Variants in ARAP2 observed in about 807,000 individuals in gnomAD.
The protein encoded by ARAP2 is ArfGAP with RhoGAP domain, ankyrin repeat and PH domain 2.
Under a neutral mutation model 194.5 loss-of-function variants are expected in ARAP2, and 148 were observed. The observed-to-expected ratio is 0.76, with a 90% CI of 0.67 to 0.87. The LOEUF (loss-of-function observed/expected upper bound fraction) is 0.87, where lower values mean the gene tolerates loss of function less well. ARAP2 is among the 40% of genes least tolerant of loss of function. The pLI, the probability that ARAP2 is intolerant of heterozygous loss-of-function variation, is 0.00. For synonymous variants in ARAP2, 695 were observed against 683.5 expected (o/e 1.02, Z -0.26); for missense variants, 2,128 against 1,989.7 (o/e 1.07, Z -1.32).
chr4:36,236,082 G>C (rs1043544076), intron 1 of ARAP2, among the ~76,000 whole-genome samples: 14 of 151,736 alleles, frequency 9.2e-5, no homozygotes, highest in African/African-American at 3.4e-4. Context: ...AGAAGGCTGA[G>C]GTGGGAGGAT....
chr4:36,159,193 G>C (rs190128951), intron 14 of ARAP2, 138 bp downstream of exon 14: 1 of 873,656 alleles, frequency 1.1e-6, no homozygotes, highest in Non-Finnish European at 1.6e-6. Flanking sequence ...AATAGTCTTA[G>C]GCATCTCCAT....
At position 36,119,721 on chromosome 4, in the gene ARAP2, G is replaced by A. The variant is rs1405639861; in HGVS notation, c.3895-3C>T. ...TGTTTGACTTGATCTTCTTTAACCT[G>A]TTTAAAATATAATTCGGGACATTCT... On this transcript the variant is annotated splice_region_variant and splice_polypyrimidine_tract_variant and intron_variant, in intron 23 of 32. Coordinates refer to ENST00000303965, the MANE Select transcript of ARAP2 (RefSeq NM_015230.4). The A allele has an allele frequency of 6.3e-7, 1 of 1,580,646 alleles. No homozygotes were observed. Among genetic ancestry groups the A allele is most frequent in the Non-Finnish European group, 8.7e-7 (1 of 1,154,442 alleles).
At chr4:36,151,627 G>T (rs1326851036) in intron 15 of ARAP2, among the ~76,000 whole-genome samples, 1 of 152,116 alleles carries the variant, frequency 6.6e-6, no homozygotes, top group Non-Finnish European at 1.5e-5. Context: ...AATTTCTGAA[G>T]CTGGATTACT....
chr4:36,163,607 T>C (rs963706371), intron 11 of ARAP2, among the ~76,000 whole-genome samples: 1 of 152,028 alleles, frequency 6.6e-6, no homozygotes, highest in African/African-American at 2.4e-5. Context: ...GAATGACACA[T>C]AGAAGGAAAT....
chr4:36,144,561 C>T (rs995321513), intron 19 of ARAP2, among the ~76,000 whole-genome samples: 8 of 151,726 alleles, frequency 5.3e-5, no homozygotes, highest in Non-Finnish European at 7.4e-5. Context: ...GTCCTAATTA[C>T]GCCTAGAAGC....
rs145376878 is a variant in ARAP2 at position 36,141,566 on chromosome 4, A to T, written c.3263+5730T>A. Among the ~76,000 whole-genome samples the T allele has an allele frequency of 1.8e-4, 27 of 151,840 alleles. No individual in the cohort carries two copies. The East Asian group carries it at 5.0e-3, about 28-fold the overall frequency. Reference sequence around the variant, plus strand: ...TCTAAATAGTGACTATATACAGGGGATAATTATCAATTTATGAACATTTCC... The same window carrying T: ...TCTAAATAGTGACTATATACAGGGGTTAATTATCAATTTATGAACATTTCC... On this transcript the variant is annotated intron_variant, in intron 19 of 32. Transcript: ENST00000303965.
chr4:36,033,494 GT>G (rs34926829), intron 5 of ARAP2, among the ~76,000 whole-genome samples: 108,089 of 147,348 alleles, frequency 0.73, 40,373 homozygotes, highest in Admixed American at 0.85. Flanking sequence ...CAATGGGGTC[GT>G]TTTTTTTTTT....
intron 2 of ARAP2, among the ~76,000 whole-genome samples, chr4:36,221,243 G>T (rs1749105110): frequency 6.6e-6 from 1 of 151,976 alleles, no homozygotes; most frequent in African/African-American, 2.4e-5. Flanking sequence ...ATCCCATGAT[G>T]TCCAAATAAG....
At chr4:36,174,507 C>T (rs1163576165) in intron 9 of ARAP2, among the ~76,000 whole-genome samples, 1 of 152,156 alleles carries the variant, frequency 6.6e-6, no homozygotes, top group Non-Finnish European at 1.5e-5. Context: ...TTATTTTCCA[C>T]TTCTTCTTAA....
At chr4:36,115,629 A>G (rs61798142) in intron 25 of ARAP2, among the ~76,000 whole-genome samples, 45,820 of 151,720 alleles carry the variant, frequency 0.3, 8,172 homozygotes, top group East Asian at 0.47. Context: ...CGTCCAGTCG[A>G]GATTATGATG....
intron 15 of ARAP2, among the ~76,000 whole-genome samples, chr4:36,158,022 G>A (rs1196974730): frequency 6.6e-6 from 1 of 152,084 alleles, no homozygotes; most frequent in Non-Finnish European, 1.5e-5. Flanking sequence ...CTTTGTTACA[G>A]TAAGGCAGAC....
chr4:36,228,519 G>T, intron 2 of ARAP2, 63 bp downstream of exon 2: 2 of 1,466,742 alleles, frequency 1.4e-6, no homozygotes, highest in Non-Finnish European at 1.8e-6. Flanking sequence ...AAATATAACT[G>T]TTAAAAAAAA....
At chr4:36,177,543 G>A (rs1447468858) in intron 9 of ARAP2, among the ~76,000 whole-genome samples, 1 of 152,088 alleles carries the variant, frequency 6.6e-6, no homozygotes, top group Non-Finnish European at 1.5e-5. Flanking sequence ...GTCGTACAAT[G>A]TCATTTCAAC....
intron 9 of ARAP2, among the ~76,000 whole-genome samples, chr4:36,008,474 T>C (rs370573301): frequency 5.3e-5 from 8 of 152,136 alleles, no homozygotes; most frequent in African/African-American, 1.9e-4. Flanking sequence ...GCTCCTGGGA[T>C]AGCTAGCATG....
intron 2 of ARAP2, among the ~76,000 whole-genome samples, chr4:36,220,100 A>G (rs1381451853): frequency 6.6e-6 from 1 of 152,108 alleles, no homozygotes; most frequent in Non-Finnish European, 1.5e-5. Context: ...ACTGATTTGA[A>G]CCCTTGAGTG....
In ARAP2 at chr4:36,066,268, T is replaced by C. The variant is rs1005615257; in HGVS notation, c.*1639A>G. On this transcript the variant is annotated 3_prime_UTR_variant, in exon 33 of 33. Coordinates refer to ENST00000303965, the MANE Select transcript of ARAP2 (RefSeq NM_015230.4). The stretch of plus-strand genomic sequence containing the variant: ...ATAAATATTTATTAGAAATAGTATG[T>C]TTAAGATTAGTTTTTCTTTCTAAAT... 3 of 152,178 alleles carry C rather than the reference T, an allele frequency of 2.0e-5. No individual in the cohort carries two copies. The highest frequency in any genetic ancestry group is 7.2e-5 in the African/African-American group (3 of 41,474). The allele number at this position is 152,178 out of a possible 1,614,324, so 9.4% of individuals were successfully genotyped here. A position where few individuals can be genotyped will look rare whatever the true frequency, so the allele number is the denominator to read the frequency against.
At chr4:36,027,174 G>A (rs905671174) in intron 5 of ARAP2, among the ~76,000 whole-genome samples, 5 of 152,086 alleles carry the variant, frequency 3.3e-5, no homozygotes, top group African/African-American at 4.8e-5. Flanking sequence ...TGTACTTGAC[G>A]TATGTAAACT....
intron 13 of ARAP2, chr4:36,160,020 G>T (rs1429269325): frequency 4.4e-6 from 4 of 908,730 alleles, no homozygotes; most frequent in Non-Finnish European, 5.3e-6. Flanking sequence ...GAAGAACAGT[G>T]AGAAGGCGGC....
chr4:36,012,249 T>C (rs1024762986), intron 9 of ARAP2, among the ~76,000 whole-genome samples: 12 of 152,202 alleles, frequency 7.9e-5, no homozygotes, highest in Non-Finnish European at 1.5e-5. Flanking sequence ...CTCATGACTT[T>C]AAAACATTTT....
Sources: allele counts gnomAD v4.1 joint callset (sites outside exome capture counted in the v4.1 genomes callset), GRCh38; gene constraint gnomAD v4.1.1; transcripts MANE v1.5; gene names NCBI Gene and HGNC (gene_info 2026-07-23, HGNC 2026-07-21).